TENM1: variants seen among roughly 807,000 people sequenced by gnomAD.
TENM1 encodes the protein teneurin-1.
TENM1 carries 35 observed loss-of-function variants against 174.8 expected under a neutral mutation model. The observed-to-expected ratio is 0.20, with a 90% CI of 0.15 to 0.27. The LOEUF is 0.27. Ranked by LOEUF, TENM1 falls within the 10% of genes least tolerant of loss-of-function variation. The pLI, the probability that TENM1 is intolerant of heterozygous loss-of-function variation, is 1.00. For synonymous variants in TENM1, 781 were observed against 798.7 expected, an observed-to-expected ratio of 0.98 and a Z score of 0.37; for missense variants, 1,633 against 2,130.1, an observed-to-expected ratio of 0.77 and a Z score of 4.59.
At chrX:125,195,117 T>C in the TENM1 span, among the ~76,000 whole-genome samples, 5 of 111,842 alleles carry the variant, frequency 4.5e-5, no homozygotes, top group East Asian at 1.4e-3. Flanking sequence ...TTTTCCTTCA[T>C]GAAAATTGTT....
At chrX:124,406,886 T>G (rs2060469076) in intron 25 of TENM1, among the ~76,000 whole-genome samples, 1 of 111,179 alleles carries the variant, frequency 9.0e-6, no homozygotes, top group African/African-American at 3.3e-5. Flanking sequence ...CAAAAGAAGG[T>G]ACAAAAGGGC....
At chrX:125,175,736 T>G in the TENM1 span, among the ~76,000 whole-genome samples, 1 of 109,654 alleles carries the variant, frequency 9.1e-6, no homozygotes, top group Non-Finnish European at 1.9e-5. Context: ...AAAAGATGTG[T>G]AGAGAAAAAA....
intron 3 of TENM1, among the ~76,000 whole-genome samples, chrX:124,827,238 A>G (rs2056185192): frequency 9.0e-6 from 1 of 111,103 alleles, no homozygotes; most frequent in African/African-American, 3.3e-5. Context: ...TTTAGTAGAG[A>G]CGGGGTTTCA....
At chrX:124,476,835 A>T (rs1039390456) in intron 22 of TENM1, among the ~76,000 whole-genome samples, 3 of 112,734 alleles carry the variant, frequency 2.7e-5, no homozygotes, top group Non-Finnish European at 5.6e-5. Flanking sequence ...TTTCAACTAC[A>T]TCATCCATGC....
chrX:125,062,592 C>T, the TENM1 span, among the ~76,000 whole-genome samples: 1 of 112,148 alleles, frequency 8.9e-6, no homozygotes, highest in Non-Finnish European at 1.9e-5. Context: ...CAATAGATAA[C>T]CCCTACTTTG....
chrX:124,673,849 A>G (rs1028371512), intron 5 of TENM1, among the ~76,000 whole-genome samples: 2 of 111,523 alleles, frequency 1.8e-5, no homozygotes, highest in African/African-American at 6.5e-5. Flanking sequence ...GGAATCCAAA[A>G]TGGTTAAGGT....
At chrX:125,143,898 C>T in the TENM1 span, among the ~76,000 whole-genome samples, 1 of 111,779 alleles carries the variant, frequency 8.9e-6, no homozygotes, top group East Asian at 2.8e-4. Context: ...AGATGTCCCT[C>T]ATGTCTCATT....
chrX:124,903,590 T>C (rs764454266), intron 1 of TENM1, among the ~76,000 whole-genome samples: 1 of 112,385 alleles, frequency 8.9e-6, no homozygotes, highest in South Asian at 3.7e-4. Flanking sequence ...AATTTTCACC[T>C]TAGTGAACGG....
chrX:124,617,377 T>C lies in TENM1; in HGVS notation c.2077+24414A>G, dbSNP rs374657129. The stretch of plus-strand genomic sequence containing the variant: ...ATAAAGGTAGACTTTCCGGAGAAAG[T>C]TTATTTTTGAGGTAACTGGAGCTGA... On this transcript the variant is annotated intron_variant, in intron 11 of 31. Coordinates refer to ENST00000422452, the Ensembl canonical transcript of TENM1. Among the ~76,000 whole-genome samples the C allele has an allele frequency of 1.1e-4, 12 of 111,439 alleles. No homozygotes were observed. The South Asian group carries it at 4.6e-3, about 42-fold the overall frequency.
At chrX:124,879,920 T>C (rs1330966824) in intron 3 of TENM1, among the ~76,000 whole-genome samples, 1 of 112,266 alleles carries the variant, frequency 8.9e-6, no homozygotes, top group Non-Finnish European at 1.9e-5. Flanking sequence ...TCTGTTTTTA[T>C]ACCAATACCA....
chrX:124,694,863 C>T (rs2052612472), intron 5 of TENM1, among the ~76,000 whole-genome samples: 1 of 111,864 alleles, frequency 8.9e-6, no homozygotes, highest in African/African-American at 3.2e-5. Flanking sequence ...CACATAATTT[C>T]TCCACCTGGA....
At chrX:124,854,337 A>G in intron 3 of TENM1, among the ~76,000 whole-genome samples, 1 of 110,773 alleles carries the variant, frequency 9.0e-6, no homozygotes, top group East Asian at 2.8e-4. Flanking sequence ...GATATAATGG[A>G]CTTTGGGGAC....
intron 1 of TENM1, among the ~76,000 whole-genome samples, chrX:124,898,112 C>T (rs952757949): frequency 2.7e-5 from 3 of 111,780 alleles, no homozygotes; most frequent in African/African-American, 9.8e-5. Context: ...TCAAACTTGG[C>T]TGCTTCAGAA....
At chrX:125,034,400 T>C in the TENM1 span, among the ~76,000 whole-genome samples, 2 of 111,412 alleles carry the variant, frequency 1.8e-5, no homozygotes, top group Admixed American at 1.9e-4. Context: ...TACCTTGCTA[T>C]AAAGGTACAA....
Position 124,653,803 on chromosome X carries a change from A to C in TENM1, c.1169-20T>G. 1 of 1,129,385 alleles carries C rather than the reference A, an allele frequency of 8.9e-7. No individual in the cohort carries two copies. The highest frequency in any genetic ancestry group is 1.8e-5 in the African/African-American group (1 of 56,130). The allele number at this position is 1,129,385 out of a possible 1,213,427, so 93.1% of individuals were successfully genotyped here. A position where few individuals can be genotyped will look rare whatever the true frequency, so the allele number is the denominator to read the frequency against. ...GAAACACTAGTTTTAAAGGTAGAGA[A>C]AATTACACACCATGTTAATCTTAAT... On this transcript the variant is annotated intron_variant, in intron 6 of 31. Transcript: ENST00000422452.
chrX:125,141,296 A>C, the TENM1 span, among the ~76,000 whole-genome samples: 3 of 111,987 alleles, frequency 2.7e-5, no homozygotes, highest in Non-Finnish European at 3.8e-5. Flanking sequence ...ATTCCTAAGC[A>C]GAGGGAGCCA....
intron 11 of TENM1, among the ~76,000 whole-genome samples, chrX:124,588,648 T>C (rs1179333250): frequency 9.0e-6 from 1 of 110,501 alleles, no homozygotes; most frequent in African/African-American, 3.3e-5. Flanking sequence ...CATATGTAAC[T>C]AACCTGCACA....
intron 25 of TENM1, among the ~76,000 whole-genome samples, chrX:124,415,217 G>A (rs62605779): frequency 0.052 from 5,776 of 112,019 alleles, 138 homozygotes; most frequent in Non-Finnish European, 0.076. Context: ...TATGAAGGTT[G>A]GAAAGTTGCT....
At chrX:124,607,867 G>A in intron 11 of TENM1, among the ~76,000 whole-genome samples, 1 of 111,436 alleles carries the variant, frequency 9.0e-6, no homozygotes, top group Non-Finnish European at 1.9e-5. Flanking sequence ...AGTGTAGCTG[G>A]TGAGAAATGG....
Sources: gnomAD v4.1 joint callset for allele counts (sites outside exome capture counted in the v4.1 genomes callset) on GRCh38, gnomAD v4.1.1 for gene constraint, MANE v1.5 for transcripts, NCBI Gene and HGNC (gene_info 2026-07-23, HGNC 2026-07-21) for gene names.